ZFYVE28: variants seen among roughly 807,000 people sequenced by gnomAD.
ZFYVE28 encodes lateral signaling target protein 2 homolog.
A neutral mutation model predicts 82.1 loss-of-function variants in ZFYVE28; 40 were observed. The observed-to-expected ratio is 0.49, with a 90% CI of 0.38 to 0.63. ZFYVE28 has a LOEUF of 0.63. ZFYVE28 is among the 30% of genes least tolerant of loss of function. The pLI, the probability that ZFYVE28 is intolerant of heterozygous loss-of-function variation, is 0.00. For missense variants in ZFYVE28, 1,321 were observed against 1,242.1 expected (o/e 1.06, Z -0.96); for synonymous variants, 612 against 546.1 (o/e 1.12, Z -1.68).
At chr4:2,322,778 C>T (rs1298154576) in intron 6 of ZFYVE28, among the ~76,000 whole-genome samples, 1 of 152,202 alleles carries the variant, frequency 6.6e-6, no homozygotes, top group African/African-American at 2.4e-5. Context: ...GGCAATCCCT[C>T]ATCTGCTTTC....
chr4:2,373,007 A>T (rs1015927149), intron 1 of ZFYVE28, among the ~76,000 whole-genome samples: 10 of 152,106 alleles, frequency 6.6e-5, no homozygotes, highest in Admixed American at 1.3e-4. Flanking sequence ...CCTATGCCTG[A>T]GCCAGCCTCT....
At chr4:2,276,129 AGCGGGCTGCGGCAGAGCGG>A (rs1274462145) in intron 8 of ZFYVE28, among the ~76,000 whole-genome samples, 60 of 152,300 alleles carry the variant, frequency 3.9e-4, no homozygotes, top group African/African-American at 1.4e-3. Context: ...AATTCAGGGC[AGCGGGCTGCGGCAGAGCGG>A]GGGAGGAGGC....
chr4:2,399,236 G>A (rs1359716104), intron 1 of ZFYVE28, among the ~76,000 whole-genome samples: 3 of 152,090 alleles, frequency 2.0e-5, no homozygotes, highest in Non-Finnish European at 4.4e-5. Context: ...AATGTGGGGG[G>A]TTGAGATCCA....
chr4:2,373,095 C>G (rs944745269), intron 1 of ZFYVE28, among the ~76,000 whole-genome samples: 3 of 152,162 alleles, frequency 2.0e-5, no homozygotes, highest in Admixed American at 1.3e-4. Context: ...ACCAGTCACC[C>G]AAAGTTGAAT....
intron 8 of ZFYVE28, chr4:2,295,495 G>A (rs1324097434): frequency 6.6e-6 from 1 of 152,192 alleles, no homozygotes; most frequent in Admixed American, 6.5e-5. Context: ...TAAACCACCA[G>A]ACCACTTCAC....
In ZFYVE28 at chr4:2,339,508, T is replaced by A. The variant is rs1722402416; in HGVS notation, c.466A>T (p.Lys156Ter). The A allele has an allele frequency of 1.9e-6, 3 of 1,613,650 alleles. No individual in the cohort carries two copies. The African/African-American group carries it at 4.0e-5, about 22-fold the overall frequency. Residue 156 changes from lysine to a stop codon, truncating the protein, a stop_gained, in exon 4 of 13, where the codon AAG (lysine) becomes TAG (stop). Transcript: ENST00000290974. LOFTEE classifies it high-confidence loss of function. This position sits in a 1 kb window ranked among gnomAD's most constrained non-coding sequence, Gnocchi z 5.0. ...AAGTGCCTCAGCGCTTCCCTCATCT[T>A]CTCTGTGTAGGTGTTCAGGTCCCGC... is the stretch of plus-strand genomic sequence containing the variant. ...ALRDLNTYTE[K>*]MREALRHFDV...
At chr4:2,373,043 G>A (rs1221564879) in intron 1 of ZFYVE28, among the ~76,000 whole-genome samples, 2 of 152,090 alleles carry the variant, frequency 1.3e-5, no homozygotes, top group Non-Finnish European at 2.9e-5. Flanking sequence ...CCCACCACAG[G>A]GACAGAAGGC....
chr4:2,362,081 C>A lies in ZFYVE28; in HGVS notation c.40-8008G>T, dbSNP rs1166601932. Among the ~76,000 whole-genome samples the A allele has an allele frequency of 6.6e-6, 1 of 152,142 alleles. No homozygotes were observed. Among genetic ancestry groups the A allele is most frequent in the Non-Finnish European group, 1.5e-5 (1 of 68,018 alleles). On this transcript the variant is annotated intron_variant, in intron 1 of 12. Coordinates refer to ENST00000290974, the MANE Select transcript of ZFYVE28 (RefSeq NM_020972.3). The surrounding 1 kb of genome is among the most constrained non-coding windows in gnomAD (Gnocchi z 5.1). ...TCTAAGCTCCAGTTCCCAAGACAGA[C>A]CACCCCAGGCAGCCAGCTCCCTACC...
intron 1 of ZFYVE28, among the ~76,000 whole-genome samples, chr4:2,389,193 C>T (rs1045043338): frequency 1.5e-4 from 23 of 152,220 alleles, no homozygotes; most frequent in African/African-American, 5.1e-4. Context: ...CCCACTCACA[C>T]CCATGGCCAG....
chr4:2,277,070 T>C (rs185202882), intron 8 of ZFYVE28, among the ~76,000 whole-genome samples: 36 of 152,286 alleles, frequency 2.4e-4, no homozygotes, highest in Admixed American at 4.6e-4. Flanking sequence ...GAAGGCCGGA[T>C]TGGCGTGGCG....
rs542078837 is a variant in ZFYVE28, at chr4:2,320,326, G to T, written c.702-55C>A. On this transcript the variant is annotated intron_variant, in intron 6 of 12. Transcript: ENST00000290974. The surrounding 1 kb of genome is among the most constrained non-coding windows in gnomAD (Gnocchi z 5.1). ...CAGGCCCTGTGGCCCCCTGGGTGCC[G>T]CGGACGGCCCAACTTAACCACCTGC... 2 of 1,538,394 alleles carry T rather than the reference G, an allele frequency of 1.3e-6. No individual in the cohort carries two copies. The highest frequency in any genetic ancestry group is 2.4e-5 in the East Asian group (1 of 42,518).
At chr4:2,271,224 G>T in intron 12 of ZFYVE28, 87 bp downstream of exon 12, 1 of 1,362,286 alleles carries the variant, frequency 7.3e-7, no homozygotes, top group Non-Finnish European at 1.0e-6. Flanking sequence ...GCCTCCCTGG[G>T]CATCGGTTCT....
In ZFYVE28 at chr4:2,304,457, G is replaced by A. The variant is rs1028670355; in HGVS notation, c.1883C>T (p.Ala628Val). 22 of 1,613,474 alleles carry A rather than the reference G, an allele frequency of 1.4e-5. No homozygotes were observed. The highest frequency in any genetic ancestry group is 1.7e-5 in the Non-Finnish European group (20 of 1,179,952). The change falls in exon 8 of 13, where the codon GCC becomes GTC. Residue 628 changes from alanine to valine, a missense_variant. Physicochemically the swap from Ala to Val is moderately conservative, Grantham distance 64. Transcript: ENST00000290974. ...AGGCAGGCACTTGTCGGAAGTGGGG[G>A]CTTTGGGCTCCCGCCCGTTGGAGGC... ...EDASNGREPKAPTSDKCLPHT... is the reference protein window; with the variant it reads ...EDASNGREPKVPTSDKCLPHT...
intron 1 of ZFYVE28, among the ~76,000 whole-genome samples, chr4:2,366,060 G>A (rs949418495): frequency 6.6e-6 from 1 of 152,198 alleles, no homozygotes; most frequent in Non-Finnish European, 1.5e-5. Flanking sequence ...CTCCCCCAGC[G>A]CAGCCAGTGA....
At chr4:2,347,485 G>A (rs1183702943) in intron 2 of ZFYVE28, among the ~76,000 whole-genome samples, 3 of 152,088 alleles carry the variant, frequency 2.0e-5, no homozygotes, top group African/African-American at 4.8e-5. Context: ...ATTGTATATG[G>A]AACATATACC....
chr4:2,337,605 G>C (rs527316939), intron 4 of ZFYVE28, 109 bp from the exon 5 acceptor site: 1 of 825,028 alleles, frequency 1.2e-6, no homozygotes, highest in East Asian at 2.9e-5. Context: ...GCAAGGTGGG[G>C]GCGGGGGGCC....
At chr4:2,298,954 C>G (rs575932466) in intron 8 of ZFYVE28, among the ~76,000 whole-genome samples, 1 of 152,322 alleles carries the variant, frequency 6.6e-6, no homozygotes, top group South Asian at 2.1e-4. Flanking sequence ...TCCCCGGCCC[C>G]ACCACAGAGG....
At chr4:2,364,695 C>CG in intron 1 of ZFYVE28, 1 of 985,490 alleles carries the variant, frequency 1.0e-6, no homozygotes, top group Non-Finnish European at 1.2e-6. Flanking sequence ...CTTAGCACCT[C>CG]GCGTCTCGCC....
intron 1 of ZFYVE28, among the ~76,000 whole-genome samples, chr4:2,395,466 G>A (rs1730340683): frequency 6.6e-6 from 1 of 152,198 alleles, no homozygotes; most frequent in Non-Finnish European, 1.5e-5. Context: ...CCCACACACA[G>A]GCACCAGGTC....
Sources: gnomAD v4.1 joint callset for allele counts (sites outside exome capture counted in the v4.1 genomes callset) on GRCh38, gnomAD v4.1.1 for gene constraint, Gnocchi (gnomAD v3.1) non-coding constraint, MANE v1.5 for transcripts, NCBI Gene and HGNC (gene_info 2026-07-23, HGNC 2026-07-21) for gene names.